Variants in TLN2 observed in about 807,000 individuals in gnomAD.
TLN2 encodes talin 2, also known as talin-2.
A neutral mutation model predicts 294.7 loss-of-function variants in TLN2; 118 were observed. That is an observed-to-expected ratio of 0.40 (90% CI 0.34 to 0.47). The LOEUF is 0.47. Ranked by LOEUF, TLN2 falls within the 20% of genes least tolerant of loss-of-function variation. The pLI is 0.84. For synonymous variants in TLN2, 1,431 were observed against 1,304.5 expected (o/e 1.10, Z -2.09); for missense variants, 3,083 against 3,282.2 (o/e 0.94, Z 1.48).
At chr15:62,604,541 A>G (rs1176005700) in intron 2 of TLN2, among the ~76,000 whole-genome samples, 15 of 150,090 alleles carry the variant, frequency 1.0e-4, no homozygotes, top group Admixed American at 2.7e-4. Flanking sequence ...AAAAAAAAAA[A>G]AAAAAGAAAA....
At chr15:62,570,409 G>A (rs1332326910) in intron 1 of TLN2, among the ~76,000 whole-genome samples, 1 of 152,212 alleles carries the variant, frequency 6.6e-6, no homozygotes, top group Non-Finnish European at 1.5e-5. Context: ...GTTCCTGAGG[G>A]AGCTATGCCA....
At chr15:62,525,164 C>T (rs1184815815) in intron 1 of TLN2, among the ~76,000 whole-genome samples, 1 of 152,144 alleles carries the variant, frequency 6.6e-6, no homozygotes, top group Non-Finnish European at 1.5e-5. Flanking sequence ...CAGATCTTAC[C>T]CTTCTACTCA....
In TLN2 at chr15:62,400,109, T is replaced by G. The variant is rs573810731; in HGVS notation, c.-238+9424T>G. On this transcript the variant is annotated intron_variant, in intron 1 of 58. Coordinates refer to ENST00000636159, the MANE Select transcript of TLN2 (RefSeq NM_015059.3). ...TGTTCTTCTGATAGTAAGTGAGATC[T>G]CACGAGATCTGATGGTTTTATGAGG... Among the ~76,000 whole-genome samples the G allele has an allele frequency of 5.9e-5, 9 of 152,282 alleles. No homozygotes were observed. In the East Asian group the frequency reaches 1.7e-3, roughly 29 times the overall value.
chr15:62,628,845 A>G (rs1721464526), intron 3 of TLN2, among the ~76,000 whole-genome samples: 2 of 152,216 alleles, frequency 1.3e-5, no homozygotes, highest in African/African-American at 4.8e-5. Context: ...GACTTAACCT[A>G]TTTGACAGCA....
In TLN2 at chr15:62,686,788, T is replaced by C. The variant is rs746881731; in HGVS notation, c.1105T>C (p.Phe369Leu). Residue 369 changes from phenylalanine to leucine, a missense_variant, in exon 12 of 59, where the codon TTC becomes CTC. By Grantham distance (22) the Phe-to-Leu change is conservative. Coordinates refer to ENST00000636159, the MANE Select transcript of TLN2 (RefSeq NM_015059.3). ...VKRWAASPKSFTLDFGEYQES... is the reference protein window; with the variant it reads ...VKRWAASPKSLTLDFGEYQES... ...GCGCTGGGCAGCCTCACCCAAGAGC[T>C]TCACACTGGTAGGGACTGGCAGAGG... The C allele has an allele frequency of 2.5e-6, 4 of 1,613,080 alleles. No homozygotes were observed. The South Asian group carries it at 4.4e-5, about 18-fold the overall frequency.
At chr15:62,702,221 A>G (rs1340410360) in intron 18 of TLN2, 21 bp downstream of exon 18, 12 of 1,559,040 alleles carry the variant, frequency 7.7e-6, no homozygotes, top group East Asian at 4.7e-5. Flanking sequence ...GAGGCAAGCA[A>G]TCACTCAGGT....
intron 54 of TLN2, among the ~76,000 whole-genome samples, chr15:62,821,774 T>C (rs1034828432): frequency 1.3e-5 from 2 of 152,210 alleles, no homozygotes; most frequent in African/African-American, 2.4e-5. Context: ...TTGCCTGATA[T>C]TGTCAGAGTA....
At chr15:62,799,461 A>G (rs1011585030) in intron 48 of TLN2, among the ~76,000 whole-genome samples, 1 of 152,242 alleles carries the variant, frequency 6.6e-6, no homozygotes, top group Non-Finnish European at 1.5e-5. Context: ...GGCACTTTGA[A>G]AAGATGATCT....
At chr15:62,582,247 C>CACACACACACACACACACAT (rs1412650912) in intron 1 of TLN2, among the ~76,000 whole-genome samples, 21 of 103,208 alleles carry the variant, frequency 2.0e-4, no homozygotes, top group Non-Finnish European at 4.1e-4. Context: ...CACACACACA[C>CACACACACACACACACACAT]ATTCATGCCT....
At chr15:62,711,646 C>T (rs567983008) in intron 21 of TLN2, among the ~76,000 whole-genome samples, 1 of 152,312 alleles carries the variant, frequency 6.6e-6, no homozygotes, top group Non-Finnish European at 1.5e-5. Context: ...TTATAGTGTT[C>T]CTCTTTGGCT....
chr15:62,797,099 A>C (rs1397187863), intron 47 of TLN2, 120 bp from the exon 48 acceptor site: 18 of 1,075,644 alleles, frequency 1.7e-5, no homozygotes, highest in Admixed American at 1.6e-4. Context: ...GTAACACAGC[A>C]CTTCTCTTCT....
At chr15:62,721,072 G>T (rs1333877595) in intron 25 of TLN2, among the ~76,000 whole-genome samples, 1 of 151,834 alleles carries the variant, frequency 6.6e-6, no homozygotes, top group Non-Finnish European at 1.5e-5. Flanking sequence ...TGTGTTCCTG[G>T]TTCCACTCTG....
intron 1 of TLN2, among the ~76,000 whole-genome samples, chr15:62,541,081 G>T (rs1344023092): frequency 6.6e-6 from 1 of 152,126 alleles, no homozygotes; most frequent in Non-Finnish European, 1.5e-5. Flanking sequence ...ATTTTCGCAC[G>T]GGGCTGGGGA....
intron 1 of TLN2, among the ~76,000 whole-genome samples, chr15:62,546,321 C>T (rs1170930911): frequency 6.6e-6 from 1 of 152,176 alleles, no homozygotes; most frequent in Admixed American, 6.5e-5. Flanking sequence ...TAATCTTCAT[C>T]TGTGTTGGGT....
At chr15:62,702,688 A>T in intron 18 of TLN2, 78 bp from the exon 19 acceptor site, 1 of 1,413,840 alleles carries the variant, frequency 7.1e-7, no homozygotes, top group South Asian at 1.2e-5. Flanking sequence ...GTGAGATTCT[A>T]CTTCCTGTAC....
At chr15:62,432,551 G>T (rs982687269) in intron 1 of TLN2, among the ~76,000 whole-genome samples, 2 of 152,184 alleles carry the variant, frequency 1.3e-5, no homozygotes, top group Non-Finnish European at 2.9e-5. Context: ...CGTACACAGG[G>T]TACCATATTG....
intron 48 of TLN2, 109 bp downstream of exon 48, chr15:62,797,511 T>TGTGTGTGAGTGTGTCTGG (rs2065584734): frequency 2.4e-5 from 30 of 1,248,314 alleles, no homozygotes; most frequent in Non-Finnish European, 3.2e-5. Context: ...GTAGACAATG[T>TGTGTGTGAGTGTGTCTGG]GTGTGTGAGT....
intron 45 of TLN2, among the ~76,000 whole-genome samples, chr15:62,787,435 C>A (rs978324294): frequency 2.6e-5 from 4 of 152,190 alleles, no homozygotes; most frequent in Admixed American, 2.0e-4. Flanking sequence ...AGGCTTTTAA[C>A]TTCCCCCAAG....
chr15:62,499,162 C>G (rs994703315), intron 1 of TLN2, among the ~76,000 whole-genome samples: 1 of 151,952 alleles, frequency 6.6e-6, no homozygotes, highest in African/African-American at 2.4e-5. Context: ...TTATTTATTA[C>G]AAAACATTGA....
Sources: gnomAD v4.1 joint callset for allele counts (sites outside exome capture counted in the v4.1 genomes callset) on GRCh38, gnomAD v4.1.1 for gene constraint, MANE v1.5 for transcripts, NCBI Gene and HGNC (gene_info 2026-07-23, HGNC 2026-07-21) for gene names.